Variants in DNAJC13 observed in about 807,000 individuals in gnomAD.
DNAJC13 encodes DnaJ heat shock protein family (Hsp40) member C13, also known as dnaJ homolog subfamily C member 13.
Under a neutral mutation model 290.5 loss-of-function variants are expected in DNAJC13, and 75 were observed. The ratio of observed to expected loss-of-function variants is 0.26; its 90% CI spans 0.21 to 0.31. DNAJC13 has a LOEUF of 0.31. Ranked by LOEUF, DNAJC13 falls within the 10% of genes least tolerant of loss-of-function variation. The pLI is 1.00. For synonymous variants in DNAJC13, 862 were observed against 892.0 expected (o/e 0.97, Z 0.60); for missense variants, 2,260 against 2,674.5 (o/e 0.85, Z 3.42).
chr3:132,447,903 T>C lies in DNAJC13; in HGVS notation c.300T>C (p.Phe100=). ...GGTTATGTTTTCTCTTTCAGAGATT[T>C]AGAACTGATTTTTCAGAGGGAAAAA... The part of the protein sequence containing the change: ...RTELLTEALR[F]RTDFSEGKIT... The change falls in exon 5 of 56, where the codon TTT becomes TTC. Residue 100 remains phenylalanine, a synonymous_variant. Coordinates refer to ENST00000260818, the MANE Select transcript of DNAJC13 (RefSeq NM_015268.4). The C allele has an allele frequency of 1.3e-6, 2 of 1,599,000 alleles. No individual in the cohort carries two copies. The highest frequency in any genetic ancestry group is 1.1e-5 in the South Asian group (1 of 89,638).
intron 1 of DNAJC13, among the ~76,000 whole-genome samples, chr3:132,426,258 G>A (rs1315659329): frequency 6.6e-6 from 1 of 152,168 alleles, no homozygotes; most frequent in Non-Finnish European, 1.5e-5. Context: ...GATATAGCAT[G>A]AAAACAAGTG....
At chr3:132,468,507 G>A (rs1245765051) in intron 20 of DNAJC13, among the ~76,000 whole-genome samples, 2 of 152,228 alleles carry the variant, frequency 1.3e-5, no homozygotes, top group East Asian at 3.9e-4. Context: ...TCAATATAAA[G>A]AATCATTAGG....
rs1935919396 is a variant in DNAJC13 at position 132,516,367 on chromosome 3, A to G, written c.5486-55A>G. The G allele has an allele frequency of 2.6e-6, 4 of 1,553,958 alleles. No individual in the cohort carries two copies. In the African/African-American group the frequency reaches 4.1e-5, roughly 16 times the overall value. On this transcript the variant is annotated intron_variant, in intron 46 of 55. Transcript: ENST00000260818. ...AGTGCCTGGCACAGAGCTGGTGCCA[A>G]GTAAATATAAGCTAACCTGATGATG...
intron 26 of DNAJC13, among the ~76,000 whole-genome samples, chr3:132,481,009 T>G (rs1934650639): frequency 6.6e-6 from 1 of 152,184 alleles, no homozygotes. Context: ...TATATACCAT[T>G]ACAACAGGTA....
chr3:132,531,185 TC>T lies in DNAJC13; in HGVS notation c.6625+89del, dbSNP rs534599682. The stretch of plus-strand genomic sequence containing the variant: ...GCCCTAAATAGACTTAAAATTGTGT[TC>T]AGAGTGTTTCTTAGGCTACCAGCTG... On this transcript the variant is annotated intron_variant, in intron 55 of 55. Transcript: ENST00000260818. 1.2e-4 allele frequency: 136 copies of T among 1,121,286 alleles called. No homozygotes were observed. The African/African-American group carries it at 1.4e-3, about 12-fold the overall frequency. 69.5% of individuals were successfully genotyped at this position (1,121,286 alleles called of 1,614,324 possible). A position where few individuals can be genotyped will look rare whatever the true frequency, so the allele number is the denominator to read the frequency against.
chr3:132,472,675 A>G, intron 20 of DNAJC13: 2 of 805,108 alleles, frequency 2.5e-6, no homozygotes, highest in Non-Finnish European at 3.0e-6. Flanking sequence ...TTAACTTCAC[A>G]TGTGTTTGAA....
rs769309473 is a variant in DNAJC13 at position 132,526,284 on chromosome 3, A to G, written c.6381+3A>G. 1 of 1,613,774 alleles carries G rather than the reference A, an allele frequency of 6.2e-7. No individual in the cohort carries two copies. The highest frequency in any genetic ancestry group is 8.5e-7 in the Non-Finnish European group (1 of 1,179,840). On this transcript the variant is annotated splice_donor_region_variant and intron_variant, in intron 53 of 55. Transcript: ENST00000260818. ...AGCAGAGTGAATTAGTAGCACAAGT[A>G]AGTGACTTTCTAGATTTAGCACTAT...
rs1377107731 is a variant in DNAJC13 at position 132,427,132 on chromosome 3, TA to T, written c.-13-7405del. Among the ~76,000 whole-genome samples, 56 of 138,302 alleles carry T rather than the reference TA, an allele frequency of 4.0e-4. 1 individual carries two copies. The highest frequency in any genetic ancestry group is 1.0e-3 in the African/African-American group (36 of 35,062). 90.7% of individuals were successfully genotyped at this position (138,302 alleles called of 152,430 possible). The stretch of plus-strand genomic sequence containing the variant: ...GTGTGTGTGTGTGTATATATATATA[TA>T]TTTTTTTTTTTTTTTTGAGACAGGG... On this transcript the variant is annotated intron_variant, in intron 1 of 55. Coordinates refer to ENST00000260818, the MANE Select transcript of DNAJC13 (RefSeq NM_015268.4).
At chr3:132,470,593 G>A (rs1411283697) in intron 20 of DNAJC13, among the ~76,000 whole-genome samples, 7 of 141,746 alleles carry the variant, frequency 4.9e-5, no homozygotes, top group East Asian at 4.4e-4. Context: ...CCTCCCGGAC[G>A]GGGCGGCTGG....
Position 132,461,366 on chromosome 3 carries a change from A to G in DNAJC13, c.1713+161A>G, listed in dbSNP as rs564686173. ...AAAGAAGAGTTGTCTTGGGCCACAC[A>G]TAAAATACACTAACACTAACAATAT... On this transcript the variant is annotated intron_variant, in intron 15 of 55. Transcript: ENST00000260818. Among the ~76,000 whole-genome samples the G allele has an allele frequency of 4.6e-5, 7 of 152,340 alleles. 1 individual carries two copies. In the South Asian group the frequency reaches 1.4e-3, roughly 32 times the overall value.
At chr3:132,421,460 T>A (rs1938957383) in intron 1 of DNAJC13, among the ~76,000 whole-genome samples, 1 of 151,984 alleles carries the variant, frequency 6.6e-6, no homozygotes, top group South Asian at 2.1e-4. Flanking sequence ...CATTTTGAGA[T>A]TTTTTTTGTG....
chr3:132,529,128 C>T (rs1936341278), intron 54 of DNAJC13, among the ~76,000 whole-genome samples: 1 of 152,142 alleles, frequency 6.6e-6, no homozygotes. Flanking sequence ...TTCCCCCAAC[C>T]TTTGGCACCC....
intron 2 of DNAJC13, among the ~76,000 whole-genome samples, chr3:132,442,321 G>A (rs1051939013): frequency 6.6e-6 from 1 of 152,124 alleles, no homozygotes; most frequent in African/African-American, 2.4e-5. Context: ...AAAGAGGAAA[G>A]CAGTATTCAT....
chr3:132,503,131 A>G (rs1935474502), intron 40 of DNAJC13, 83 bp from the exon 41 acceptor site: 1 of 1,424,306 alleles, frequency 7.0e-7, no homozygotes. Flanking sequence ...AATATGTTCC[A>G]TATAGTGTGA....
chr3:132,463,674 TC>T, intron 16 of DNAJC13, 21 bp from the exon 17 acceptor site: 3 of 1,605,372 alleles, frequency 1.9e-6, no homozygotes, highest in Non-Finnish European at 2.6e-6. Flanking sequence ...ACCTTAGGGA[TC>T]ATCTTACCCT....
At chr3:132,442,825 A>C (rs943080986) in intron 2 of DNAJC13, among the ~76,000 whole-genome samples, 1 of 152,224 alleles carries the variant, frequency 6.6e-6, no homozygotes, top group Non-Finnish European at 1.5e-5. Flanking sequence ...CAGTAGGTAA[A>C]GTCAATATGA....
intron 14 of DNAJC13, among the ~76,000 whole-genome samples, chr3:132,460,757 A>G (rs1933764899): frequency 6.6e-6 from 1 of 152,208 alleles, no homozygotes; most frequent in South Asian, 2.1e-4. Flanking sequence ...AAATATTGTC[A>G]AATATTATTT....
At chr3:132,422,107 T>G (rs530192503) in intron 1 of DNAJC13, among the ~76,000 whole-genome samples, 17 of 152,110 alleles carry the variant, frequency 1.1e-4, no homozygotes, top group African/African-American at 4.1e-4. Context: ...CATAGCTCAC[T>G]GTAGCCCTGA....
At chr3:132,486,485 A>G (rs1259321529) in intron 29 of DNAJC13, among the ~76,000 whole-genome samples, 1 of 151,326 alleles carries the variant, frequency 6.6e-6, no homozygotes, top group Non-Finnish European at 1.5e-5. Context: ...AGCTTGGGGG[A>G]GGGAGGCTTT....
Sources: allele counts gnomAD v4.1 joint callset (sites outside exome capture counted in the v4.1 genomes callset), GRCh38; gene constraint gnomAD v4.1.1; transcripts MANE v1.5; gene names NCBI Gene and HGNC (gene_info 2026-07-23, HGNC 2026-07-21).